The following PPOX variants were observed in gnomAD, a reference collection of about 807,000 sequenced individuals.
PPOX encodes protoporphyrinogen oxidase.
PPOX carries 23 observed loss-of-function variants against 54.1 expected under a neutral mutation model. That is an observed-to-expected ratio of 0.43 (90% CI 0.31 to 0.60). PPOX has a LOEUF of 0.60. Ranked by LOEUF, PPOX falls within the 20% of genes least tolerant of loss-of-function variation. The pLI, the probability that PPOX is intolerant of heterozygous loss-of-function variation, is 0.13. For missense variants in PPOX, 512 were observed against 601.1 expected (o/e 0.85, Z 1.55); for synonymous variants, 224 against 236.1 (o/e 0.95, Z 0.47).
Position 161,166,453 on chromosome 1 carries a change from G to A in PPOX, c.-228G>A, listed in dbSNP as rs968154282. 9.9e-6 allele frequency: 12 copies of A among 1,211,680 alleles called. No individual in the cohort carries two copies. The highest frequency in any genetic ancestry group is 3.5e-4 in the Middle Eastern group (1 of 2,836). The allele number at this position is 1,211,680 out of a possible 1,614,324, so 75.1% of individuals were successfully genotyped here. A position where few individuals can be genotyped will look rare whatever the true frequency, so the allele number is the denominator to read the frequency against. On this transcript the variant is annotated 5_prime_UTR_variant, in exon 1 of 13. Coordinates refer to ENST00000367999, the MANE Select transcript of PPOX (RefSeq NM_001122764.3). ...ACGGAGCGTAGGAGAGACCGAAAAG[G>A]CTGGGGGTGGGAGTAGCGGATTTGA...
chr1:161,169,142 C>A lies in PPOX; in HGVS notation c.766C>A (p.Pro256Thr). The A allele has an allele frequency of 6.2e-7, 1 of 1,614,142 alleles. No homozygotes were observed. Among genetic ancestry groups the A allele is most frequent in the South Asian group, 1.1e-5 (1 of 91,088 alleles). ...SRGVSVLRGQPVCGLSLQAEG... is the reference protein window; with the variant it reads ...SRGVSVLRGQTVCGLSLQAEG... ...GGGGGTCAGTGTTCTCAGAGGCCAG[C>A]CGGTCTGTGGGCTCAGCCTCCAGGC... The change falls in exon 7 of 13, where the codon CCG (proline) becomes ACG (threonine). Residue 256 changes from proline (P) to threonine (T), a missense_variant. Transcript: ENST00000367999.
chr1:161,176,285 C>A, intron 4 of PPOX: 1 of 615,192 alleles, frequency 1.6e-6, no homozygotes, highest in Non-Finnish European at 2.8e-6. Context: ...CCAAGTTTCG[C>A]TCTCCTCTAC....
chr1:161,172,770 G>A (rs1661919454), downstream of PPOX, among the ~76,000 whole-genome samples: 1 of 151,796 alleles, frequency 6.6e-6, no homozygotes, highest in Admixed American at 6.6e-5. Context: ...GCTCACACCT[G>A]CAATCCTAGC....
At chr1:161,175,215 C>G (rs3813620), downstream of PPOX, 10 of 1,612,058 alleles carry the variant, frequency 6.2e-6, no homozygotes, top group East Asian at 2.2e-4. Flanking sequence ...TAAAGGACAC[C>G]GACACAGGAC....
At position 161,168,137 on chromosome 1, in the gene PPOX, GC is replaced by G. The variant is rs1385645343; in HGVS notation, c.471+13del. ...CCGCCTTGGACCTGAGGTGACACTT[GC>G]CCAGAGGCCCCAAACCTCTTCCCTC... is the stretch of plus-strand genomic sequence containing the variant. On this transcript the variant is annotated intron_variant, in intron 5 of 12. Coordinates refer to ENST00000367999, the MANE Select transcript of PPOX (RefSeq NM_001122764.3). The G allele has an allele frequency of 1.2e-6, 2 of 1,614,156 alleles. No homozygotes were observed. The highest frequency in any genetic ancestry group is 1.7e-5 in the Admixed American group (1 of 60,024).
At chr1:161,173,544 G>A (rs1662280107), downstream of PPOX, 2 of 1,609,746 alleles carry the variant, frequency 1.2e-6, no homozygotes, top group African/African-American at 2.7e-5. Context: ...GGTCAAAGGT[G>A]GTCTTAGAGG....
At chr1:161,174,936 G>A (rs1280320437), downstream of PPOX, 9 of 1,553,260 alleles carry the variant, frequency 5.8e-6, no homozygotes, top group Admixed American at 6.8e-5. Context: ...GAAGTGGCAT[G>A]TGCTTGAGGC....
downstream of PPOX, chr1:161,171,961 G>A (rs1441868782): frequency 5.0e-6 from 8 of 1,614,058 alleles, no homozygotes; most frequent in Non-Finnish European, 6.8e-6. Flanking sequence ...AGGACCCCGA[G>A]GGTCAGTCCC....
At chr1:161,176,200 G>A (rs1283723292), downstream of PPOX, 1 of 1,061,632 alleles carries the variant, frequency 9.4e-7, no homozygotes, top group African/African-American at 1.6e-5. Flanking sequence ...AGTCACAGAA[G>A]GGAGCACACA....
intron 1 of PPOX, 76 bp from the exon 2 acceptor site, chr1:161,166,764 G>GAA (rs2101839756): frequency 6.3e-7 from 1 of 1,593,306 alleles, no homozygotes; most frequent in East Asian, 2.3e-5. Flanking sequence ...GGCCGGGATA[G>GAA]AACTCAAAAC....
downstream of PPOX, among the ~76,000 whole-genome samples, chr1:161,174,755 C>G (rs993812182): frequency 1.3e-5 from 2 of 152,144 alleles, no homozygotes; most frequent in Non-Finnish European, 2.9e-5. Context: ...TCTGCACAAG[C>G]CATTCAATAA....
chr1:161,176,822 G>A, intron 4 of PPOX: 2 of 1,528,602 alleles, frequency 1.3e-6, no homozygotes, highest in African/African-American at 1.4e-5. Flanking sequence ...GGACAGGACA[G>A]CTAATGGAAA....
At position 161,167,114 on chromosome 1, in the gene PPOX, G is replaced by A; in HGVS notation, c.102G>A (p.Glu34=). The A allele has an allele frequency of 6.2e-7, 1 of 1,614,208 alleles. No homozygotes were observed. The highest frequency in any genetic ancestry group is 8.5e-7 in the Non-Finnish European group (1 of 1,180,040). ...APCPPKVVLV[E]SSERLGGWIR... The stretch of plus-strand genomic sequence containing the variant: ...CTTGTCGCCAGGTGGTCCTAGTGGA[G>A]AGCAGTGAGCGTCTGGGAGGCTGGA... Residue 34 remains glutamate, a synonymous_variant, in exon 3 of 13, where the codon GAG becomes GAA. Coordinates refer to ENST00000367999, the MANE Select transcript of PPOX (RefSeq NM_001122764.3).
chr1:161,168,914 T>G, intron 6 of PPOX, 79 bp from the exon 7 acceptor site: 3 of 1,548,008 alleles, frequency 1.9e-6, no homozygotes, highest in Non-Finnish European at 2.6e-6. Context: ...TCCACCCGCC[T>G]CGGCCTCCTA....
chr1:161,167,885 C>T lies in PPOX; in HGVS notation c.339-110C>T, dbSNP rs1036166735. ...ACCTGCCTTCCATTTCTTCATCTCC[C>T]TGTCAGCCTTCCCAGCAAAAGGAAG... On this transcript the variant is annotated intron_variant, in intron 4 of 12. Coordinates refer to ENST00000367999, the MANE Select transcript of PPOX (RefSeq NM_001122764.3). 4 of 1,551,326 alleles carry T rather than the reference C, an allele frequency of 2.6e-6. No homozygotes were observed. The African/African-American group carries it at 5.5e-5, about 21-fold the overall frequency.
chr1:161,167,777 C>T, intron 4 of PPOX: 1 of 758,422 alleles, frequency 1.3e-6, no homozygotes. Context: ...ATTGGCCAGG[C>T]TGGTCTTGAA....
At chr1:161,175,527 G>C (rs1217278998), downstream of PPOX, among the ~76,000 whole-genome samples, 8 of 152,040 alleles carry the variant, frequency 5.3e-5, no homozygotes, top group African/African-American at 1.9e-4. Flanking sequence ...ATTAAACCAG[G>C]GCTCATCTAC....
chr1:161,170,723 T>C lies in PPOX; in HGVS notation c.1202T>C (p.Leu401Ser). Residue 401 changes from leucine to serine, a missense_variant, in exon 11 of 13, where the codon TTA (leucine) becomes TCA (serine). Leu to Ser is a moderately radical substitution (Grantham distance 145). Transcript: ENST00000367999. The part of the protein sequence containing the change: ...QRAQEAAATQ[L>S]GLKEMPSHCL... ...GCCCAGGAAGCAGCTGCTACACAAT[T>C]AGGACTGAAGGAGATGCCGAGCCAC... The C allele has an allele frequency of 6.2e-7, 1 of 1,613,958 alleles. No individual in the cohort carries two copies. The highest frequency in any genetic ancestry group is 1.3e-5 in the African/African-American group (1 of 74,980).
intron 5 of PPOX, 150 bp from the exon 6 acceptor site, chr1:161,168,282 G>T: frequency 6.5e-7 from 1 of 1,539,420 alleles, no homozygotes; most frequent in Non-Finnish European, 9.0e-7. Context: ...ACTCATTATT[G>T]GGAGTGAAGG....
Sources: gnomAD v4.1 joint callset for allele counts (sites outside exome capture counted in the v4.1 genomes callset) on GRCh38, gnomAD v4.1.1 for gene constraint, MANE v1.5 for transcripts, NCBI Gene and HGNC (gene_info 2026-07-23, HGNC 2026-07-21) for gene names.